Variants in LCORL observed in about 807,000 individuals in gnomAD.
The protein encoded by LCORL is ligand-dependent nuclear receptor corepressor-like protein.
LCORL carries 41 observed loss-of-function variants against 141.8 expected under a neutral mutation model. The observed-to-expected ratio is 0.29, with a 90% confidence interval of 0.23 to 0.38. The LOEUF is 0.38. LCORL is among the 10% of genes least tolerant of loss of function. LCORL has a pLI of 1.00. For missense variants in LCORL, 1,759 were observed against 2,035.0 expected, an observed-to-expected ratio of 0.86 and a Z score of 2.61; for synonymous variants, 618 against 694.1, an observed-to-expected ratio of 0.89 and a Z score of 1.72.
At chr4:17,976,967 C>A (rs1055904969) in intron 1 of LCORL, among the ~76,000 whole-genome samples, 1 of 152,076 alleles carries the variant, frequency 6.6e-6, no homozygotes, top group Non-Finnish European at 1.5e-5. Flanking sequence ...ACTAAATCTG[C>A]GGAATTATTT....
At chr4:17,917,193 TTTTTG>T (rs945679982) in intron 4 of LCORL, among the ~76,000 whole-genome samples, 2 of 151,308 alleles carry the variant, frequency 1.3e-5, no homozygotes, top group African/African-American at 4.9e-5. Context: ...GGCTGAGTTT[TTTTTG>T]TTTTGTTTTG....
intron 1 of LCORL, among the ~76,000 whole-genome samples, chr4:17,998,125 GAAC>G (rs1324291731): frequency 6.6e-6 from 1 of 151,966 alleles, no homozygotes; most frequent in African/African-American, 2.4e-5. Context: ...ACATAGAAAA[GAAC>G]AATAAAAATA....
At chr4:17,909,131 G>C in exon 5 of LCORL, 1 of 1,605,710 alleles carries the variant, frequency 6.2e-7, no homozygotes, top group Non-Finnish European at 8.5e-7. Context: ...GATTCACAGT[G>C]AGGTCTAAGG....
chr4:17,976,129 G>A (rs993743041), intron 1 of LCORL, among the ~76,000 whole-genome samples: 1 of 151,928 alleles, frequency 6.6e-6, no homozygotes, highest in Non-Finnish European at 1.5e-5. Context: ...TTTTCCAATT[G>A]TTTAACTTTT....
chr4:17,999,659 T>C (rs1350354437), intron 1 of LCORL, among the ~76,000 whole-genome samples: 1 of 152,192 alleles, frequency 6.6e-6, no homozygotes, highest in African/African-American at 2.4e-5. Context: ...CAATAAACTA[T>C]AAACTCTGGT....
intron 1 of LCORL, among the ~76,000 whole-genome samples, chr4:18,007,803 C>T (rs1723058747): frequency 6.6e-6 from 1 of 152,090 alleles, no homozygotes; most frequent in Non-Finnish European, 1.5e-5. Context: ...GATCTGTGGG[C>T]TCAGACTGTT....
chr4:17,939,957 T>G (rs1033268676), intron 4 of LCORL, among the ~76,000 whole-genome samples: 1 of 150,508 alleles, frequency 6.6e-6, no homozygotes, highest in Non-Finnish European at 1.5e-5. Flanking sequence ...ATATACTATA[T>G]ACGCATATAC....
At chr4:18,008,391 T>C (rs2109858975) in intron 1 of LCORL, among the ~76,000 whole-genome samples, 1 of 152,310 alleles carries the variant, frequency 6.6e-6, no homozygotes, top group South Asian at 2.1e-4. Flanking sequence ...AAACCCAGAA[T>C]ACTTTTTCCC....
At chr4:17,842,831 C>T (rs1722547763) in exon 8 of LCORL, 2 of 164,842 alleles carry the variant, frequency 1.2e-5, no homozygotes, top group African/African-American at 4.8e-5. Context: ...TATTCATTTG[C>T]AAAATTGTAT....
exon 5 of LCORL, chr4:17,909,320 G>A (rs1197626200): frequency 1.9e-6 from 3 of 1,608,470 alleles, no homozygotes; most frequent in Non-Finnish European, 2.6e-6. Context: ...CTAGGGGAAT[G>A]TTAGGATCAC....
At chr4:18,020,643 G>T (rs568327258) in intron 1 of LCORL, 1 of 152,222 alleles carries the variant, frequency 6.6e-6, no homozygotes, top group South Asian at 2.1e-4. Flanking sequence ...AATCCACAGG[G>T]TGAGAGCCCC....
At chr4:17,893,578 A>G in intron 5 of LCORL, 1 of 985,338 alleles carries the variant, frequency 1.0e-6, no homozygotes, top group African/African-American at 1.7e-5. Flanking sequence ...GCACCTGCAG[A>G]TAGCTCTGGG....
At chr4:18,005,661 G>A (rs1722673943) in intron 1 of LCORL, among the ~76,000 whole-genome samples, 1 of 152,230 alleles carries the variant, frequency 6.6e-6, no homozygotes, top group Non-Finnish European at 1.5e-5. Context: ...TGCACTCACA[G>A]GCTCAACACC....
chr4:18,011,181 T>C (rs957660496), intron 1 of LCORL, among the ~76,000 whole-genome samples: 4 of 152,156 alleles, frequency 2.6e-5, no homozygotes, highest in African/African-American at 7.2e-5. Context: ...GTATCGGTAA[T>C]AGAAAGATTA....
chr4:17,947,434 G>C (rs1739058595), intron 4 of LCORL, among the ~76,000 whole-genome samples: 1 of 151,798 alleles, frequency 6.6e-6, no homozygotes, highest in Non-Finnish European at 1.5e-5. Context: ...GAGTCAAAGG[G>C]TACACAATCT....
chr4:17,877,722 C>T, exon 7 of LCORL: 2 of 1,230,590 alleles, frequency 1.6e-6, no homozygotes, highest in Non-Finnish European at 2.0e-6. Context: ...TGAAAGATCA[C>T]ATACTTCCTT....
At chr4:17,936,945 T>C (rs1373284946) in intron 4 of LCORL, among the ~76,000 whole-genome samples, 2 of 152,226 alleles carry the variant, frequency 1.3e-5, no homozygotes, top group East Asian at 1.9e-4. Flanking sequence ...TAAGTCAATA[T>C]GCTCAATAGT....
intron 7 of LCORL, among the ~76,000 whole-genome samples, chr4:17,855,516 A>C (rs140821249): frequency 2.2e-4 from 34 of 152,298 alleles, no homozygotes; most frequent in Admixed American, 2.2e-3. Context: ...ATCAATATCA[A>C]ATTGATTGCA....
intron 5 of LCORL, among the ~76,000 whole-genome samples, chr4:17,891,661 G>T (rs1264118630): frequency 6.6e-6 from 1 of 152,200 alleles, no homozygotes; most frequent in East Asian, 1.9e-4. Context: ...ATATACAGAT[G>T]ATGTAAACAT....
Sources: gnomAD v4.1 joint callset for allele counts (sites outside exome capture counted in the v4.1 genomes callset) on GRCh38, gnomAD v4.1.1 for gene constraint, MANE v1.5 for transcripts, NCBI Gene and HGNC (gene_info 2026-07-23, HGNC 2026-07-21) for gene names.